AGAP2: variants seen among roughly 807,000 people sequenced by gnomAD.
AGAP2 encodes the protein arf-GAP with GTPase, ANK repeat and PH domain-containing protein 2.
A neutral mutation model predicts 110.9 loss-of-function variants in AGAP2; 32 were observed. The observed-to-expected ratio is 0.29, with a 90% CI of 0.22 to 0.39. The LOEUF (loss-of-function observed/expected upper bound fraction) is 0.39. Ranked by LOEUF, AGAP2 falls within the 10% of genes least tolerant of loss-of-function variation. The probability of loss-of-function intolerance (pLI) is 1.00; values close to 1 mark genes in which losing one functional copy is unlikely to be tolerated. For missense variants in AGAP2, 1,285 were observed against 1,638.5 expected (o/e 0.78, Z 3.72); for synonymous variants, 702 against 713.0 (o/e 0.98, Z 0.25).
rs1394525849 is a variant in AGAP2 at position 57,734,104 on chromosome 12, T to A, written c.1471A>T (p.Ser491Cys). The A allele has an allele frequency of 6.2e-7, 1 of 1,613,764 alleles. No individual in the cohort carries two copies. The highest frequency in any genetic ancestry group is 2.2e-5 in the East Asian group (1 of 44,872). Residue 491 changes from serine (S) to cysteine (C), a missense_variant, in exon 5 of 19, where the codon AGC becomes TGC. Ser to Cys is a moderately radical substitution (Grantham distance 112, BLOSUM62 -1). This residue lies in a region of AGAP2 where 844 missense variants were observed against 941.2 expected (regional missense o/e 0.90). Transcript: ENST00000547588. ...LEDENSFQAVSRLHGQLSSLR... is the reference protein window; with the variant it reads ...LEDENSFQAVCRLHGQLSSLR... The stretch of plus-strand genomic sequence containing the variant: ...GAACTCAGCTGCCCATGGAGACGGC[T>A]CACAGCCTGGAAACTGTTCTCATCC...
chr12:57,731,143 T>C (rs1954877376), intron 10 of AGAP2, among the ~76,000 whole-genome samples, 190 bp from the exon 11 acceptor site: 2 of 152,168 alleles, frequency 1.3e-5, no homozygotes, highest in South Asian at 4.2e-4. Flanking sequence ...AGCGTTCCCT[T>C]CCTGGGTGCT....
chr12:57,733,032 T>C (rs1415282426), intron 5 of AGAP2, 53 bp from the exon 6 acceptor site: 1 of 1,608,058 alleles, frequency 6.2e-7, no homozygotes, highest in East Asian at 2.2e-5. Context: ...CCTTGTTCGA[T>C]TTTTCACAAT....
intron 2 of AGAP2, 70 bp downstream of exon 2, chr12:57,735,299 G>A: frequency 7.2e-7 from 1 of 1,387,500 alleles, no homozygotes; most frequent in Non-Finnish European, 1.0e-6. Context: ...GAGAGGTGAA[G>A]GGAGAGAGCT....
chr12:57,742,030 T>C, upstream of AGAP2: 1 of 1,614,170 alleles, frequency 6.2e-7, no homozygotes, highest in East Asian at 2.2e-5. Flanking sequence ...GTCTGACTTC[T>C]GCTCTCACTG....
At chr12:57,728,617 C>T (rs1330385913) in intron 13 of AGAP2, among the ~76,000 whole-genome samples, 1 of 152,084 alleles carries the variant, frequency 6.6e-6, no homozygotes, top group African/African-American at 2.4e-5. Flanking sequence ...GAACCTGGGT[C>T]TGAGCACCCG....
In AGAP2 at chr12:57,731,572, G is replaced by T. The variant is rs1360004712; in HGVS notation, c.2024C>A (p.Ala675Asp). 1 of 1,614,098 alleles carries T rather than the reference G, an allele frequency of 6.2e-7. No homozygotes were observed. The highest frequency in any genetic ancestry group is 8.5e-7 in the Non-Finnish European group (1 of 1,180,022). Residue 675 changes from alanine (A) to aspartate (D), a missense_variant, in exon 9 of 19, where the codon GCC becomes GAC. By Grantham distance (126) the Ala-to-Asp change is moderately radical. Transcript: ENST00000547588. Reference protein sequence around the residue: ...SRGETTGSGRAIPIKQSFLLK... With the variant: ...SRGETTGSGRDIPIKQSFLLK... ...ATCACTCACCTGTTTGATGGGGATG[G>T]CTCGCCCACTCCCTGTTGTCTCTCC... is the stretch of plus-strand genomic sequence containing the variant.
chr12:57,732,488 C>T lies in AGAP2; in HGVS notation c.1709G>A (p.Arg570His), dbSNP rs769607256. The change falls in exon 7 of 19, where the codon CGC becomes CAC. Residue 570 changes from arginine (R) to histidine (H), a missense_variant. This residue lies in a region of AGAP2 where 844 missense variants were observed against 941.2 expected (regional missense o/e 0.90). Transcript: ENST00000547588. ...GGCAGCCAGAAGCTGTTGCTGCTTG[C>T]GCAAGGTCACCACCTTCTGGGCCAC... ...QEVAQKVVTLRKQQQLLAACK... is the reference protein window; with the variant it reads ...QEVAQKVVTLHKQQQLLAACK... 1.7e-5 allele frequency: 27 copies of T among 1,590,692 alleles called. 1 individual carries two copies. In the South Asian group the frequency reaches 2.0e-4, roughly 12 times the overall value.
chr12:57,737,685 T>C lies in AGAP2; in HGVS notation c.562A>G (p.Lys188Glu). 1 of 1,549,414 alleles carries C rather than the reference T, an allele frequency of 6.5e-7. No homozygotes were observed. Among genetic ancestry groups the C allele is most frequent in the Non-Finnish European group, 8.7e-7 (1 of 1,149,190 alleles). Residue 188 changes from lysine (K) to glutamate (E), a missense_variant, in exon 1 of 19, where the codon AAG becomes GAG. Lys to Glu is a moderately conservative substitution (Grantham distance 56, BLOSUM62 1). Coordinates refer to ENST00000547588, the MANE Select transcript of AGAP2 (RefSeq NM_001122772.3). The surrounding 1 kb of genome is among the most constrained non-coding windows in gnomAD (Gnocchi z 5.9). ...LKVAPPPPAP[K>E]PCKTVTTSGA... ...CTCGTGGTCACGGTCTTGCAAGGCT[T>C]GGGAGCCGGCGGAGGAGGCGCCACC...
intron 12 of AGAP2, chr12:57,730,258 A>C (rs1193020590): frequency 7.0e-6 from 4 of 569,838 alleles, no homozygotes; most frequent in East Asian, 3.3e-5. Context: ...AGGCACGGAG[A>C]GGTCAAGTAA....
At position 57,737,662 on chromosome 12, in the gene AGAP2, C is replaced by T. The variant is rs1253494774; in HGVS notation, c.585G>A (p.Thr195=). The change falls in exon 1 of 19, where the codon ACG becomes ACA. Residue 195 remains threonine (T), a synonymous_variant. Coordinates refer to ENST00000547588, the MANE Select transcript of AGAP2 (RefSeq NM_001122772.3). This position sits in a 1 kb window ranked among gnomAD's most constrained non-coding sequence, Gnocchi z 5.9. ...PAPKPCKTVT[T]SGAKAGGGKG... The stretch of plus-strand genomic sequence containing the variant: ...TGCCCCCGCCGGCTTTGGCTCCACT[C>T]GTGGTCACGGTCTTGCAAGGCTTGG... 3 of 1,548,304 alleles carry T rather than the reference C, an allele frequency of 1.9e-6. No homozygotes were observed. In the East Asian group the frequency reaches 7.3e-5, roughly 38 times the overall value.
At chr12:57,724,464 A>G (rs1230216281), downstream of AGAP2, 1 of 152,262 alleles carries the variant, frequency 6.6e-6, no homozygotes, top group Non-Finnish European at 1.5e-5. Context: ...ACTGCAGCTC[A>G]TGGAGGCAGC....
intron 1 of AGAP2, 123 bp from the exon 2 acceptor site, chr12:57,735,550 G>T: frequency 1.1e-6 from 1 of 890,186 alleles, no homozygotes; most frequent in Non-Finnish European, 1.8e-6. Flanking sequence ...CACTGGAGAG[G>T]TGTGTGCAAC....
At chr12:57,740,582 A>T, upstream of AGAP2, among the ~76,000 whole-genome samples, 1 of 152,162 alleles carries the variant, frequency 6.6e-6, no homozygotes, top group East Asian at 1.9e-4. Context: ...AGCTAAGCAC[A>T]GCTTTTCTGC....
At chr12:57,742,101 A>C (rs1414363971), upstream of AGAP2, 6 of 1,608,376 alleles carry the variant, frequency 3.7e-6, no homozygotes, top group Non-Finnish European at 5.1e-6. Flanking sequence ...CCAGGCTAAC[A>C]ACCACCTCTG....
rs763469267 is a variant in AGAP2, at chr12:57,731,420, C to T, written c.2091G>A (p.Lys697=). 1.9e-6 allele frequency: 3 copies of T among 1,614,210 alleles called. No individual in the cohort carries two copies. Among genetic ancestry groups the T allele is most frequent in the Non-Finnish European group, 2.5e-6 (3 of 1,180,028 alleles). Reference sequence around the variant, plus strand: ...CATTACTGGACAGGGTTACATATTTCTTCTTCCATTCTTTGTTCAAGGAAT... The same window carrying T: ...CATTACTGGACAGGGTTACATATTTTTTCTTCCATTCTTTGTTCAAGGAAT... ...SGNSLNKEWK[K]KYVTLSSNGF... Residue 697 remains lysine, a synonymous_variant, in exon 10 of 19, where the codon AAG becomes AAA. Transcript: ENST00000547588.
intron 9 of AGAP2, 31 bp downstream of exon 9, chr12:57,731,525 C>A (rs1954884475): frequency 6.2e-7 from 1 of 1,613,868 alleles, no homozygotes; most frequent in South Asian, 1.1e-5. Context: ...ACCAGCTGCC[C>A]CTAGCCTGTC....
At chr12:57,740,037 A>G (rs1372136511), upstream of AGAP2, 1 of 152,262 alleles carries the variant, frequency 6.6e-6, no homozygotes, top group African/African-American at 2.4e-5. Flanking sequence ...GTGGGGTAAG[A>G]TGGGCGAAGG....
intron 5 of AGAP2, 134 bp downstream of exon 5, chr12:57,733,892 G>A (rs147878083): frequency 1.1e-5 from 11 of 997,130 alleles, no homozygotes; most frequent in African/African-American, 1.6e-5. Flanking sequence ...TGGAGACCAG[G>A]CTCCCTCCAG....
chr12:57,734,036 C>A lies in AGAP2; in HGVS notation c.1539G>T (p.Val513=). 1 of 1,595,732 alleles carries A rather than the reference C, an allele frequency of 6.3e-7. No individual in the cohort carries two copies. Among genetic ancestry groups the A allele is most frequent in the Non-Finnish European group, 8.5e-7 (1 of 1,171,426 alleles). The stretch of plus-strand genomic sequence containing the variant: ...CTAACCCCTCCTTACCTTGTGTCCC[C>A]ACCAGTGCCAAGGCCAGGCCTCCTC... ...EGRGGLALAL[V]GTQDRISASS... is the part of the protein sequence containing the mutation. The change falls in exon 5 of 19, where the codon GTG becomes GTT. Residue 513 remains valine (V), a synonymous_variant. Coordinates refer to ENST00000547588, the MANE Select transcript of AGAP2 (RefSeq NM_001122772.3).
Sources: allele counts gnomAD v4.1 joint callset (sites outside exome capture counted in the v4.1 genomes callset), GRCh38; gene constraint gnomAD v4.1.1; regional missense constraint gnomAD v4.1.1; non-coding constraint Gnocchi (gnomAD v3.1); transcripts MANE v1.5; gene names NCBI Gene and HGNC (gene_info 2026-07-23, HGNC 2026-07-21).